The following IL1RAPL2 variants were observed in gnomAD, a reference collection of about 807,000 sequenced individuals.
IL1RAPL2 encodes the protein X-linked interleukin-1 receptor accessory protein-like 2.
IL1RAPL2 carries 3 observed loss-of-function variants against 44.1 expected under a neutral mutation model. The observed-to-expected ratio is 0.07, with a 90% confidence interval of 0.03 to 0.18. The LOEUF (loss-of-function observed/expected upper bound fraction) is 0.18, where lower values mean the gene tolerates loss of function less well. IL1RAPL2 is among the 10% of genes least tolerant of loss of function. The pLI, the probability that IL1RAPL2 is intolerant of heterozygous loss-of-function variation, is 1.00. For synonymous variants in IL1RAPL2, 181 were observed against 178.8 expected, an observed-to-expected ratio of 1.01 and a Z score of -0.10; for missense variants, 391 against 496.4, an observed-to-expected ratio of 0.79 and a Z score of 2.02.
intron 2 of IL1RAPL2, among the ~76,000 whole-genome samples, chrX:105,143,593 G>A (rs1242379980): frequency 8.9e-6 from 1 of 112,050 alleles, no homozygotes; most frequent in Non-Finnish European, 1.9e-5. Flanking sequence ...TCCCATTACT[G>A]GGTATATACC....
At chrX:105,666,053 CG>C (rs1967817919) in intron 6 of IL1RAPL2, among the ~76,000 whole-genome samples, 1 of 103,953 alleles carries the variant, frequency 9.6e-6, no homozygotes, top group Non-Finnish European at 1.9e-5. Context: ...TGAGCCACCG[CG>C]CCCGGCCGTA....
chrX:105,678,382 T>C (rs1393430218), intron 6 of IL1RAPL2, among the ~76,000 whole-genome samples: 1 of 112,152 alleles, frequency 8.9e-6, no homozygotes, highest in Admixed American at 9.5e-5. Context: ...TATTTTTAAA[T>C]GTACAATAAA....
rs1259116486 is a variant in IL1RAPL2 at position 104,775,336 on chromosome X, G to A, written c.82+116341G>A. 2.7e-5 allele frequency among the ~76,000 whole-genome samples: 3 copies of A among 111,709 alleles called. No individual in the cohort carries two copies. In the East Asian group the frequency reaches 8.4e-4, roughly 31 times the overall value. On this transcript the variant is annotated intron_variant, in intron 2 of 10. Coordinates refer to ENST00000372582, the MANE Select transcript of IL1RAPL2 (RefSeq NM_017416.2). ...AGTGGCCATTAAAACACACAGGGGA[G>A]TTGCGTTTTGGAATTTTAAAATGTT... is the stretch of plus-strand genomic sequence containing the variant.
At chrX:104,892,321 G>A (rs1923482187) in intron 2 of IL1RAPL2, among the ~76,000 whole-genome samples, 1 of 111,819 alleles carries the variant, frequency 8.9e-6, no homozygotes, top group African/African-American at 3.3e-5. Context: ...AAATGAGTTA[G>A]GGAAGATTCC....
At chrX:104,622,048 G>A (rs1929410779) in intron 1 of IL1RAPL2, among the ~76,000 whole-genome samples, 1 of 110,546 alleles carries the variant, frequency 9.0e-6, no homozygotes, top group Non-Finnish European at 1.9e-5. Flanking sequence ...GAACTCCAGA[G>A]AGAGGTATCT....
intron 2 of IL1RAPL2, among the ~76,000 whole-genome samples, chrX:104,750,150 C>T (rs983941094): frequency 3.6e-5 from 4 of 111,712 alleles, no homozygotes; most frequent in African/African-American, 6.5e-5. Flanking sequence ...TTCATGTTGT[C>T]TAGATGATGA....
intron 5 of IL1RAPL2, among the ~76,000 whole-genome samples, chrX:105,441,756 AG>A (rs1484448194): frequency 1.8e-5 from 2 of 111,831 alleles, no homozygotes; most frequent in African/African-American, 3.3e-5. Context: ...GATCTTATGT[AG>A]AAGTAATAGC....
chrX:104,961,597 G>A (rs576947967), intron 2 of IL1RAPL2, among the ~76,000 whole-genome samples: 1 of 111,352 alleles, frequency 9.0e-6, no homozygotes, highest in East Asian at 2.8e-4. Flanking sequence ...ATATAAAGTA[G>A]TTCCCTCTAC....
At chrX:104,611,458 G>A (rs1463527452) in intron 1 of IL1RAPL2, among the ~76,000 whole-genome samples, 3 of 110,702 alleles carry the variant, frequency 2.7e-5, no homozygotes, top group African/African-American at 6.6e-5. Flanking sequence ...GCATAAAACC[G>A]CCTACTCAAG....
chrX:105,225,056 A>G (rs1266372332), intron 3 of IL1RAPL2, among the ~76,000 whole-genome samples: 1 of 111,718 alleles, frequency 9.0e-6, no homozygotes, highest in Non-Finnish European at 1.9e-5. Context: ...CACATCCTCA[A>G]TCATTGGTAG....
chrX:104,934,149 T>C (rs984336668), intron 2 of IL1RAPL2, among the ~76,000 whole-genome samples: 2 of 111,688 alleles, frequency 1.8e-5, no homozygotes, highest in Admixed American at 1.9e-4. Flanking sequence ...ATGTGACACT[T>C]ATAAAATTTT....
intron 2 of IL1RAPL2, among the ~76,000 whole-genome samples, chrX:104,849,355 A>AATATATATATATATATATATATATAT (rs375364495): frequency 4.8e-4 from 33 of 68,688 alleles, no homozygotes; most frequent in East Asian, 1.4e-3. Context: ...TGAACTATAT[A>AATATATATATATATATATATATATAT]ATATATATAT....
chrX:104,849,355 A>AATAT lies in IL1RAPL2; in HGVS notation c.82+190369_82+190372dup, dbSNP rs375364495. 7.0e-4 allele frequency among the ~76,000 whole-genome samples: 48 copies of AATAT among 68,701 alleles called. 4 individuals are homozygous for AATAT. The highest frequency in any genetic ancestry group is 5.7e-3 in the East Asian group (12 of 2,087). 59.7% of individuals were successfully genotyped at this position (68,701 alleles called of 115,157 possible). On this transcript the variant is annotated intron_variant, in intron 2 of 10. Transcript: ENST00000372582. ...GTGAGCCACCATGCTTGAACTATAT[A>AATAT]ATATATATATATGGATTACTTACGG... is the stretch of plus-strand genomic sequence containing the variant.
chrX:105,183,245 C>T (rs189768164), intron 2 of IL1RAPL2, among the ~76,000 whole-genome samples: 10 of 110,430 alleles, frequency 9.1e-5, no homozygotes, highest in African/African-American at 9.9e-5. Context: ...GGGGAGTAGG[C>T]GGGGGGGCAA....
intron 2 of IL1RAPL2, among the ~76,000 whole-genome samples, chrX:104,799,616 A>G (rs1013796465): frequency 8.9e-6 from 1 of 112,495 alleles, no homozygotes; most frequent in Non-Finnish European, 1.9e-5. Flanking sequence ...TTATTAAAAC[A>G]GAACTAAATG....
At chrX:105,405,827 T>G (rs1318344452) in intron 5 of IL1RAPL2, 1 of 1,175,872 alleles carries the variant, frequency 8.5e-7, no homozygotes, top group African/African-American at 1.8e-5. Context: ...CTTTATCTGA[T>G]TTGCTTTCTG....
chrX:105,610,384 G>T (rs1396681434), intron 6 of IL1RAPL2, among the ~76,000 whole-genome samples: 2 of 111,521 alleles, frequency 1.8e-5, no homozygotes, highest in Non-Finnish European at 3.8e-5. Context: ...GATTGATGAG[G>T]TTGGACAAAT....
intron 2 of IL1RAPL2, among the ~76,000 whole-genome samples, chrX:104,896,775 C>T (rs949486953): frequency 8.6e-4 from 96 of 111,225 alleles, no homozygotes; most frequent in Admixed American, 3.3e-3. Context: ...TCTTGCTGCT[C>T]CTCACTCTTT....
intron 4 of IL1RAPL2, among the ~76,000 whole-genome samples, chrX:105,263,663 T>C (rs748695961): frequency 9.0e-6 from 1 of 111,018 alleles, no homozygotes; most frequent in South Asian, 3.9e-4. Context: ...ATTTGCCACC[T>C]AGGAAGGTGG....
Sources: allele counts gnomAD v4.1 joint callset (sites outside exome capture counted in the v4.1 genomes callset), GRCh38; gene constraint gnomAD v4.1.1; transcripts MANE v1.5; gene names NCBI Gene and HGNC (gene_info 2026-07-23, HGNC 2026-07-21).